Variants in MKLN1 observed in about 807,000 individuals in gnomAD.
The protein encoded by MKLN1 is muskelin.
MKLN1 carries 18 observed loss-of-function variants against 99.0 expected under a neutral mutation model. That is an observed-to-expected ratio of 0.18 (90% confidence interval 0.13 to 0.27). The LOEUF is 0.27. MKLN1 is among the 10% of genes least tolerant of loss of function. MKLN1 has a pLI of 1.00. For synonymous variants in MKLN1, 288 were observed against 293.2 expected, an observed-to-expected ratio of 0.98 and a Z score of 0.18; for missense variants, 621 against 875.9, an observed-to-expected ratio of 0.71 and a Z score of 3.67.
intron 8 of MKLN1, among the ~76,000 whole-genome samples, chr7:131,425,711 C>T (rs1455544195): frequency 1.3e-5 from 2 of 152,172 alleles, no homozygotes; most frequent in African/African-American, 4.8e-5. Context: ...GAGGATCGTA[C>T]TACCCCAGAT....
chr7:131,349,023 G>A (rs1267443613), intron 1 of MKLN1, among the ~76,000 whole-genome samples: 1 of 151,936 alleles, frequency 6.6e-6, no homozygotes, highest in East Asian at 1.9e-4. Flanking sequence ...ATTTTTTAAA[G>A]ACATGCACCC....
intron 3 of MKLN1, among the ~76,000 whole-genome samples, chr7:131,240,590 A>G (rs1797388476): frequency 1.3e-5 from 2 of 152,246 alleles, no homozygotes; most frequent in Non-Finnish European, 2.9e-5. Context: ...ACCTTTCCAG[A>G]GGTAAATTTA....
At chr7:131,469,391 C>T (rs1796755674) in intron 15 of MKLN1, among the ~76,000 whole-genome samples, 1 of 151,982 alleles carries the variant, frequency 6.6e-6, no homozygotes, top group African/African-American at 2.4e-5. Flanking sequence ...GGAGAGTGTC[C>T]CTATTAGGAA....
chr7:131,414,274 A>C (rs1794955633), intron 7 of MKLN1, among the ~76,000 whole-genome samples: 1 of 152,196 alleles, frequency 6.6e-6, no homozygotes, highest in South Asian at 2.1e-4. Context: ...TATGCCTAGA[A>C]TATATACGGG....
chr7:131,399,552 G>A (rs559491654), intron 6 of MKLN1, 119 bp downstream of exon 6: 7 of 792,430 alleles, frequency 8.8e-6, no homozygotes, highest in East Asian at 2.6e-5. Context: ...TTTTTTACTC[G>A]GTTAAAGATT....
At chr7:131,463,970 G>C (rs566525756) in intron 13 of MKLN1, among the ~76,000 whole-genome samples, 1 of 152,294 alleles carries the variant, frequency 6.6e-6, no homozygotes, top group South Asian at 2.1e-4. Context: ...TCAAATGACA[G>C]CAATGTATAC....
intron 1 of MKLN1, among the ~76,000 whole-genome samples, chr7:131,134,957 A>G (rs1448654759): frequency 6.6e-6 from 1 of 152,156 alleles, no homozygotes; most frequent in Non-Finnish European, 1.5e-5. Context: ...CTTAGCATTG[A>G]TTTCTAGCCC....
chr7:131,313,352 C>T (rs1318019066), intron 3 of MKLN1, among the ~76,000 whole-genome samples: 1 of 151,938 alleles, frequency 6.6e-6, no homozygotes, highest in African/African-American at 2.4e-5. Flanking sequence ...GACTTCATAG[C>T]TTTAATTAAA....
intron 3 of MKLN1, among the ~76,000 whole-genome samples, chr7:131,258,382 T>TTCTGTTGCTGGAGGAAGC (rs1183384431): frequency 1.9e-5 from 1 of 52,872 alleles, no homozygotes; most frequent in Non-Finnish European, 5.5e-5. Context: ...CTGGAGGAAG[T>TTCTGTTGCTGGAGGAAGC]GTCCTAACAG....
intron 15 of MKLN1, among the ~76,000 whole-genome samples, chr7:131,468,133 C>T (rs1365615392): frequency 6.6e-6 from 1 of 152,160 alleles, no homozygotes; most frequent in African/African-American, 2.4e-5. Flanking sequence ...TCCGGATAAA[C>T]TTTGAAGATT....
intron 1 of MKLN1, among the ~76,000 whole-genome samples, chr7:131,364,952 AATG>A (rs1300713016): frequency 1.3e-5 from 2 of 152,080 alleles, no homozygotes; most frequent in African/African-American, 4.8e-5. Flanking sequence ...TTTACGGTAA[AATG>A]ATTTCTATTC....
At chr7:131,470,693 G>A (rs1796794278) in intron 15 of MKLN1, 149 bp from the exon 16 acceptor site, 1 of 617,802 alleles carries the variant, frequency 1.6e-6, no homozygotes, top group African/African-American at 1.9e-5. Flanking sequence ...TGGCAGTATT[G>A]TTAATTCTGG....
At chr7:131,144,188 T>C (rs542537681) in intron 2 of MKLN1, among the ~76,000 whole-genome samples, 57 of 152,232 alleles carry the variant, frequency 3.7e-4, no homozygotes, top group African/African-American at 1.3e-3. Flanking sequence ...GAATGATGTA[T>C]TTTAAAAGTT....
intron 1 of MKLN1, among the ~76,000 whole-genome samples, chr7:131,123,787 CA>C (rs5887494): frequency 0.65 from 93,770 of 144,026 alleles, 32,135 homozygotes; most frequent in Non-Finnish European, 0.79. Flanking sequence ...GACTCTGTCT[CA>C]AAAAAAAAAA....
intron 3 of MKLN1, among the ~76,000 whole-genome samples, chr7:131,207,155 G>A (rs1796824950): frequency 6.6e-6 from 1 of 152,116 alleles, no homozygotes; most frequent in Non-Finnish European, 1.5e-5. Flanking sequence ...CTATAGGCAA[G>A]TCTAGAAGGT....
intron 2 of MKLN1, among the ~76,000 whole-genome samples, chr7:131,169,658 T>C (rs1796188396): frequency 6.6e-6 from 1 of 152,224 alleles, no homozygotes; most frequent in African/African-American, 2.4e-5. Flanking sequence ...ATTGAGATTA[T>C]TAATAGCAGA....
intron 3 of MKLN1, among the ~76,000 whole-genome samples, chr7:131,299,577 C>T (rs10232386): frequency 0.074 from 11,289 of 152,242 alleles, 553 homozygotes; most frequent in African/African-American, 0.14. Flanking sequence ...CGCCAGCACT[C>T]ATTTAATTTT....
At chr7:131,424,813 A>T (rs1278169740) in intron 8 of MKLN1, among the ~76,000 whole-genome samples, 1 of 151,932 alleles carries the variant, frequency 6.6e-6, no homozygotes, top group Non-Finnish European at 1.5e-5. Context: ...GTCATTCTCA[A>T]CTCCTTCAGT....
intron 2 of MKLN1, among the ~76,000 whole-genome samples, chr7:131,155,165 A>T (rs909457369): frequency 5.3e-5 from 8 of 152,194 alleles, no homozygotes; most frequent in African/African-American, 1.9e-4. Context: ...TTGGCTCCTT[A>T]AAAGTCCTAC....
Sources: allele counts gnomAD v4.1 joint callset (sites outside exome capture counted in the v4.1 genomes callset), GRCh38; gene constraint gnomAD v4.1.1; transcripts MANE v1.5; gene names NCBI Gene and HGNC (gene_info 2026-07-23, HGNC 2026-07-21).